The following PTPRG variants were observed in gnomAD, a reference collection of about 807,000 sequenced individuals.
The protein encoded by PTPRG is protein tyrosine phosphatase receptor type G, also known as receptor-type tyrosine-protein phosphatase gamma.
PTPRG carries 102 observed loss-of-function variants against 165.3 expected under a neutral mutation model. The ratio of observed to expected loss-of-function variants is 0.62; its 90% CI spans 0.53 to 0.73. PTPRG has a LOEUF of 0.73. Ranked by LOEUF, PTPRG falls within the 30% of genes least tolerant of loss-of-function variation. The pLI, the probability that PTPRG is intolerant of heterozygous loss-of-function variation, is 0.00. For missense variants in PTPRG, 1,866 were observed against 1,861.4 expected, an observed-to-expected ratio of 1.00 and a Z score of -0.05; for synonymous variants, 675 against 669.5, an observed-to-expected ratio of 1.01 and a Z score of -0.13.
At chr3:62,285,303 CTCAT>C (rs1489927067) in intron 28 of PTPRG, among the ~76,000 whole-genome samples, 1 of 152,004 alleles carries the variant, frequency 6.6e-6, no homozygotes, top group Admixed American at 6.6e-5. Flanking sequence ...TGCTTTTTGT[CTCAT>C]TTATTGTTCA....
intron 2 of PTPRG, among the ~76,000 whole-genome samples, chr3:61,818,484 A>C (rs2035854806): frequency 2.6e-5 from 4 of 152,156 alleles, no homozygotes; most frequent in African/African-American, 9.7e-5. Context: ...ATAATGAAAA[A>C]GTCCTATAAA....
In PTPRG at chr3:62,255,454, GA is replaced by G. The variant is rs966468211; in HGVS notation, c.2559+243del. ...CTACAAAAGAACCGACTTAGTGATA[GA>G]AAAGAAGCAAACTGGTAGGGATTGC... On this transcript the variant is annotated intron_variant, in intron 16 of 29. Coordinates refer to ENST00000474889, the MANE Select transcript of PTPRG (RefSeq NM_002841.4). This position sits in a 1 kb window ranked among gnomAD's most constrained non-coding sequence, Gnocchi z 4.0. 6.6e-6 allele frequency among the ~76,000 whole-genome samples: 1 copy of G among 151,850 alleles called. No homozygotes were observed. The highest frequency in any genetic ancestry group is 1.5e-5 in the Non-Finnish European group (1 of 68,028).
intron 5 of PTPRG, among the ~76,000 whole-genome samples, chr3:62,089,039 T>C (rs573568269): frequency 1.3e-5 from 2 of 152,366 alleles, no homozygotes; most frequent in South Asian, 2.1e-4. Flanking sequence ...TTGATTTTGT[T>C]GTTCAGGGTT....
intron 1 of PTPRG, among the ~76,000 whole-genome samples, chr3:61,687,152 A>T (rs1161306006): frequency 6.6e-6 from 1 of 152,110 alleles, no homozygotes; most frequent in Admixed American, 6.6e-5. Flanking sequence ...CTTCCAGCTG[A>T]CAGGAAAAGA....
rs143449511 is a variant in PTPRG at position 62,168,120 on chromosome 3, G to A, written c.990G>A (p.Met330Ile). The A allele has an allele frequency of 3.0e-5, 49 of 1,613,990 alleles. No individual in the cohort carries two copies. The highest frequency in any genetic ancestry group is 3.9e-5 in the Non-Finnish European group (46 of 1,180,006). The change falls in exon 8 of 30, where the codon ATG becomes ATA. Residue 330 changes from methionine (M) to isoleucine (I), a missense_variant. Transcript: ENST00000474889. ...TCCGTGACTCCTGGAACCACGACAT[G>A]ACAGACTTCTTAGAAAACCCACTGG... The part of the protein sequence containing the change: ...SAVRDSWNHD[M>I]TDFLENPLGT...
intron 26 of PTPRG, among the ~76,000 whole-genome samples, chr3:62,281,252 CCTG>C: frequency 6.6e-6 from 1 of 152,086 alleles, no homozygotes; most frequent in South Asian, 2.1e-4. Context: ...TGACCTAGAT[CCTG>C]CTTTCTTTTT....
Position 61,611,579 on chromosome 3 carries a change from C to G in PTPRG, c.85+49207C>G, listed in dbSNP as rs980229267. Among the ~76,000 whole-genome samples the G allele has an allele frequency of 2.0e-5, 3 of 152,190 alleles. No homozygotes were observed. The South Asian group carries it at 6.2e-4, about 32-fold the overall frequency. Reference sequence around the variant, plus strand: ...TAGTAAGTACATTTTTCTAGTGGGCCTTCAGTTTATTTGGAGCTGCTTTCC... The same window carrying G: ...TAGTAAGTACATTTTTCTAGTGGGCGTTCAGTTTATTTGGAGCTGCTTTCC... On this transcript the variant is annotated intron_variant, in intron 1 of 29. Transcript: ENST00000474889.
At chr3:61,819,676 G>A (rs936318315) in intron 2 of PTPRG, among the ~76,000 whole-genome samples, 2 of 152,088 alleles carry the variant, frequency 1.3e-5, no homozygotes, top group Non-Finnish European at 2.9e-5. Context: ...ATTAAACTGA[G>A]TATCATGTTA....
intron 2 of PTPRG, among the ~76,000 whole-genome samples, chr3:61,805,530 C>CAAAA (rs58646519): frequency 2.5e-3 from 245 of 96,490 alleles, no homozygotes; most frequent in African/African-American, 7.3e-3. Flanking sequence ...ATGGGAAAGA[C>CAAAA]AAAAAAAAAA....
chr3:61,657,901 A>C (rs1702552158), intron 1 of PTPRG, among the ~76,000 whole-genome samples: 1 of 152,144 alleles, frequency 6.6e-6, no homozygotes, highest in Admixed American at 6.5e-5. Context: ...TTGCTTGTTA[A>C]ACAGAGGGCT....
chr3:61,893,014 T>G (rs1482453986), intron 2 of PTPRG, among the ~76,000 whole-genome samples: 3 of 152,160 alleles, frequency 2.0e-5, no homozygotes, highest in Admixed American at 6.5e-5. Context: ...ATTCCCAGTT[T>G]CTAATGCAGG....
intron 1 of PTPRG, among the ~76,000 whole-genome samples, chr3:61,663,980 T>A (rs1003054213): frequency 6.6e-6 from 1 of 152,172 alleles, no homozygotes; most frequent in African/African-American, 2.4e-5. Context: ...GACCCCTGAT[T>A]TAAAGCACTT....
intron 2 of PTPRG, among the ~76,000 whole-genome samples, chr3:61,871,415 A>T (rs2037579445): frequency 6.6e-6 from 1 of 151,722 alleles, no homozygotes; most frequent in Non-Finnish European, 1.5e-5. Flanking sequence ...TTTTTTTTGG[A>T]GAGATGGGGT....
At chr3:61,634,990 G>A (rs1701868430) in intron 1 of PTPRG, among the ~76,000 whole-genome samples, 1 of 152,112 alleles carries the variant, frequency 6.6e-6, no homozygotes, top group Admixed American at 6.6e-5. Context: ...GCAAATAGTC[G>A]ACAGTGTAAG....
At chr3:62,291,814 T>C (rs1360087568) in intron 28 of PTPRG, among the ~76,000 whole-genome samples, 1 of 152,154 alleles carries the variant, frequency 6.6e-6, no homozygotes, top group East Asian at 1.9e-4. Context: ...ATTTACTACC[T>C]TTCTAAGACT....
intron 12 of PTPRG, among the ~76,000 whole-genome samples, chr3:62,215,142 G>C (rs1379291301): frequency 6.6e-6 from 1 of 152,196 alleles, no homozygotes; most frequent in South Asian, 2.1e-4. Flanking sequence ...TGCTCCTGAA[G>C]AGCCTTGCTT....
intron 1 of PTPRG, among the ~76,000 whole-genome samples, chr3:61,643,856 T>C (rs770812126): frequency 1.3e-5 from 2 of 152,170 alleles, no homozygotes; most frequent in Non-Finnish European, 2.9e-5. Context: ...TTTGATGATA[T>C]AATATTTAAG....
chr3:61,847,291 A>G (rs1423860995), intron 2 of PTPRG, among the ~76,000 whole-genome samples: 1 of 152,178 alleles, frequency 6.6e-6, no homozygotes, highest in Non-Finnish European at 1.5e-5. Context: ...AGGGCAAGGC[A>G]TCTACTGGCC....
chr3:61,808,541 A>G (rs1207614996), intron 2 of PTPRG, among the ~76,000 whole-genome samples: 1 of 152,190 alleles, frequency 6.6e-6, no homozygotes, highest in East Asian at 1.9e-4. Context: ...AATTTCTTTG[A>G]ATATAAGCCA....
Sources: allele counts gnomAD v4.1 joint callset (sites outside exome capture counted in the v4.1 genomes callset), GRCh38; gene constraint gnomAD v4.1.1; non-coding constraint Gnocchi (gnomAD v3.1); transcripts MANE v1.5; gene names NCBI Gene and HGNC (gene_info 2026-07-23, HGNC 2026-07-21).